Variants in ATAD2B observed in about 807,000 individuals in gnomAD.
ATAD2B encodes ATPase family AAA domain containing 2B.
Under a neutral mutation model 167.6 loss-of-function variants are expected in ATAD2B, and 40 were observed. The observed-to-expected ratio is 0.24, with a 90% CI of 0.19 to 0.31. ATAD2B has a LOEUF of 0.31. Ranked by LOEUF, ATAD2B falls within the 10% of genes least tolerant of loss-of-function variation. The pLI, the probability that ATAD2B is intolerant of heterozygous loss-of-function variation, is 1.00. For missense variants in ATAD2B, 1,242 were observed against 1,757.2 expected (o/e 0.71, Z 5.24); for synonymous variants, 579 against 596.5 (o/e 0.97, Z 0.43).
At chr2:23,693,486 A>G in the ATAD2B span, 1 of 1,551,596 alleles carries the variant, frequency 6.4e-7, no homozygotes. Flanking sequence ...TGTACGAGAC[A>G]GTCATCAAGT....
intron 12 of ATAD2B, among the ~76,000 whole-genome samples, chr2:23,860,380 C>CT (rs1232969394): frequency 6.6e-6 from 1 of 152,140 alleles, no homozygotes; most frequent in Admixed American, 6.5e-5. Context: ...GTTAGACCTC[C>CT]CTACTCTGAG....
intron 12 of ATAD2B, among the ~76,000 whole-genome samples, chr2:23,862,641 C>G (rs1307618368): frequency 6.6e-6 from 1 of 152,080 alleles, no homozygotes; most frequent in Non-Finnish European, 1.5e-5. Context: ...AAATAGTAGA[C>G]ATAGTCCACA....
chr2:23,762,431 A>G (rs1676866496), intron 23 of ATAD2B, 85 bp from the exon 24 acceptor site: 1 of 1,400,832 alleles, frequency 7.1e-7, no homozygotes, highest in African/African-American at 1.5e-5. Context: ...CAAATACAAA[A>G]CTGAGTTTTA....
intron 15 of ATAD2B, among the ~76,000 whole-genome samples, chr2:23,824,007 T>C (rs754658875): frequency 1.3e-5 from 2 of 152,096 alleles, no homozygotes; most frequent in Non-Finnish European, 2.9e-5. Flanking sequence ...TGGAGTGCAG[T>C]GGCACAATCC....
the ATAD2B span, chr2:23,696,487 G>C: frequency 6.5e-7 from 1 of 1,539,410 alleles, no homozygotes. The surrounding 1 kb of genome is among the most constrained non-coding windows in gnomAD (Gnocchi z 5.5). Context: ...GACTTGGCGT[G>C]GCAGGCAACG....
chr2:23,792,879 C>T (rs938654990), intron 19 of ATAD2B, among the ~76,000 whole-genome samples: 1 of 136,892 alleles, frequency 7.3e-6, no homozygotes, highest in Non-Finnish European at 1.5e-5. Flanking sequence ...AGAAGAATGG[C>T]GTGAACCCGG....
chr2:23,716,090 T>A, the ATAD2B span, among the ~76,000 whole-genome samples: 1 of 152,374 alleles, frequency 6.6e-6, no homozygotes. Context: ...TCCAACACTT[T>A]CTCAAGAAAC....
At chr2:23,885,942 T>G (rs1254314157) in intron 4 of ATAD2B, 113 bp from the exon 5 acceptor site, 1 of 630,656 alleles carries the variant, frequency 1.6e-6, no homozygotes, top group Non-Finnish European at 2.6e-6. Flanking sequence ...CACACAACTT[T>G]TTTTTCTTTT....
chr2:23,738,841 A>C, the ATAD2B span, among the ~76,000 whole-genome samples: 2 of 152,234 alleles, frequency 1.3e-5, no homozygotes, highest in Non-Finnish European at 2.9e-5. Context: ...CTCAAAATAA[A>C]GGGATGGAGG....
At chr2:23,857,765 G>A (rs1284565260) in intron 12 of ATAD2B, among the ~76,000 whole-genome samples, 58 of 127,972 alleles carry the variant, frequency 4.5e-4, no homozygotes, top group Middle Eastern at 4.8e-3. Flanking sequence ...TTTTTGAGAC[G>A]GAGTCTCGCT....
At chr2:23,706,728 T>C in the ATAD2B span, 3 of 1,265,458 alleles carry the variant, frequency 2.4e-6, no homozygotes, top group Non-Finnish European at 3.1e-6. Context: ...CACGCAATGA[T>C]AATTTTCCAG....
chr2:23,831,308 A>G (rs922195038), intron 14 of ATAD2B, among the ~76,000 whole-genome samples: 3 of 152,252 alleles, frequency 2.0e-5, no homozygotes, highest in African/African-American at 7.2e-5. Context: ...GCATTATTGC[A>G]TATAGAAGAT....
intron 1 of ATAD2B, among the ~76,000 whole-genome samples, chr2:23,919,200 G>A (rs1022137431): frequency 9.9e-5 from 15 of 151,692 alleles, no homozygotes; most frequent in Non-Finnish European, 2.2e-4. Flanking sequence ...GAGAGAGAGA[G>A]AGAGATTGTC....
chr2:23,707,384 TA>T, the ATAD2B span: 1 of 152,206 alleles, frequency 6.6e-6, no homozygotes, highest in Non-Finnish European at 1.5e-5. Context: ...ATTTTCTTGA[TA>T]AACAAAAGGC....
At position 23,878,010 on chromosome 2, in the gene ATAD2B, C is replaced by CAAAAAAAAAAAAAAAAA. The variant is rs1283016862; in HGVS notation, c.902-2107_902-2106insTTTTTTTTTTTTTTTTT. Among the ~76,000 whole-genome samples the CAAAAAAAAAAAAAAAAA allele has an allele frequency of 1.6e-3, 47 of 28,604 alleles. 10 individuals are homozygous for CAAAAAAAAAAAAAAAAA. The highest frequency in any genetic ancestry group is 2.7e-3 in the South Asian group (2 of 732). 18.8% of individuals were successfully genotyped at this position (28,604 alleles called of 152,430 possible). A position where few individuals can be genotyped will look rare whatever the true frequency, so the allele number is the denominator to read the frequency against. ...ACTCCAGCCTGGATGACCCTATCTCCAAAGAAAAAAAAAAAAAAAAAAAAA... is the reference window on the plus strand; with the variant it reads ...ACTCCAGCCTGGATGACCCTATCTCCAAAAAAAAAAAAAAAAAAAAGAAAAAAAAAAAAAAAAAAAAA... On this transcript the variant is annotated intron_variant, in intron 7 of 27. Coordinates refer to ENST00000238789, the MANE Select transcript of ATAD2B (RefSeq NM_017552.4).
At chr2:23,839,367 G>A (rs745972896) in intron 13 of ATAD2B, among the ~76,000 whole-genome samples, 3 of 152,046 alleles carry the variant, frequency 2.0e-5, no homozygotes, top group Non-Finnish European at 2.9e-5. Context: ...CATTAAGTCT[G>A]TTTGTTGTAA....
the ATAD2B span, among the ~76,000 whole-genome samples, chr2:23,734,217 C>T: frequency 1.0e-3 from 157 of 152,184 alleles, 1 homozygote; most frequent in African/African-American, 3.7e-3. Flanking sequence ...ATTGCAGTGG[C>T]GCAATCTCAG....
At chr2:23,891,577 C>A (rs1191834607) in intron 2 of ATAD2B, among the ~76,000 whole-genome samples, 2 of 151,836 alleles carry the variant, frequency 1.3e-5, no homozygotes, top group Non-Finnish European at 2.9e-5. Context: ...CTCACTGCAA[C>A]CTCCGCCTCC....
intron 1 of ATAD2B, among the ~76,000 whole-genome samples, chr2:23,918,315 G>A (rs892014970): frequency 4.0e-5 from 6 of 151,456 alleles, no homozygotes; most frequent in African/African-American, 1.2e-4. Context: ...AGGCTGCAAC[G>A]AGCTGTGATT....
Sources: gnomAD v4.1 joint callset for allele counts (sites outside exome capture counted in the v4.1 genomes callset) on GRCh38, gnomAD v4.1.1 for gene constraint, Gnocchi (gnomAD v3.1) non-coding constraint, MANE v1.5 for transcripts, NCBI Gene and HGNC (gene_info 2026-07-23, HGNC 2026-07-21) for gene names.